The following HIVEP3 variants were observed in gnomAD, a reference collection of about 807,000 sequenced individuals.
The protein encoded by HIVEP3 is HIVEP zinc finger 3.
Under a neutral mutation model 152.8 loss-of-function variants are expected in HIVEP3, and 49 were observed. The ratio of observed to expected loss-of-function variants is 0.32; its 90% CI spans 0.26 to 0.41. The LOEUF is 0.41. Among genes scored for constraint, HIVEP3 ranks in the 10% least tolerant of loss-of-function variants. The pLI, the probability that HIVEP3 is intolerant of heterozygous loss-of-function variation, is 1.00. For missense variants in HIVEP3, 2,790 were observed against 3,103.3 expected (o/e 0.90, Z 2.40); for synonymous variants, 1,269 against 1,289.0 (o/e 0.98, Z 0.33).
At chr1:41,540,663 C>T (rs1643507526) in intron 5 of HIVEP3, among the ~76,000 whole-genome samples, 1 of 152,208 alleles carries the variant, frequency 6.6e-6, no homozygotes, top group African/African-American at 2.4e-5. Context: ...CACCTCAGGT[C>T]ATATCTGTGA....
At chr1:41,953,999 G>T (rs1645124712) in intron 1 of HIVEP3, among the ~76,000 whole-genome samples, 1 of 152,138 alleles carries the variant, frequency 6.6e-6, no homozygotes, top group African/African-American at 2.4e-5. Context: ...TGGGGAAACT[G>T]AGTTGTGTAA....
chr1:41,767,663 C>T (rs1021954641), intron 1 of HIVEP3, among the ~76,000 whole-genome samples: 12 of 152,198 alleles, frequency 7.9e-5, no homozygotes, highest in African/African-American at 2.4e-4. Context: ...TCCAAATACC[C>T]GCGAACAAGC....
chr1:41,690,716 G>A (rs1184464479), intron 2 of HIVEP3, among the ~76,000 whole-genome samples: 4 of 152,178 alleles, frequency 2.6e-5, no homozygotes, highest in African/African-American at 2.4e-5. Flanking sequence ...TCGGGAGTTC[G>A]AGACCAGCCT....
At chr1:41,848,520 T>A (rs1160406432) in intron 1 of HIVEP3, 2 of 151,592 alleles carry the variant, frequency 1.3e-5, no homozygotes, top group Admixed American at 1.3e-4. Flanking sequence ...TGGATAGACA[T>A]GAGATAAGGA....
chr1:41,562,622 TC>T (rs1644091203), intron 5 of HIVEP3, among the ~76,000 whole-genome samples: 3 of 112,966 alleles, frequency 2.7e-5, no homozygotes, highest in Admixed American at 8.4e-5. Context: ...TCTCTCTCTC[TC>T]TCTCTCTCTC....
chr1:41,698,071 A>G (rs1166662673), intron 2 of HIVEP3, among the ~76,000 whole-genome samples: 1 of 152,194 alleles, frequency 6.6e-6, no homozygotes, highest in African/African-American at 2.4e-5. Context: ...GGTGGAGTGT[A>G]CATCTGTGTA....
chr1:41,572,472 A>G (rs1260970928), intron 5 of HIVEP3, among the ~76,000 whole-genome samples: 1 of 152,104 alleles, frequency 6.6e-6, no homozygotes, highest in Non-Finnish European at 1.5e-5. Context: ...CTCTCTAGCT[A>G]TTCCATCCCC....
chr1:41,971,834 CTCTGCTGTCATGGAT>C (rs987296261), intron 1 of HIVEP3, among the ~76,000 whole-genome samples: 4 of 152,278 alleles, frequency 2.6e-5, no homozygotes, highest in African/African-American at 9.6e-5. Flanking sequence ...ACCATGACAG[CTCTGCTGTCATGGAT>C]GAATTAGTGC....
At chr1:41,565,650 C>A (rs1324659212) in intron 5 of HIVEP3, among the ~76,000 whole-genome samples, 1 of 152,048 alleles carries the variant, frequency 6.6e-6, no homozygotes, top group African/African-American at 2.4e-5. Flanking sequence ...CAGCTTCCTC[C>A]TGGGAGCCCA....
chr1:41,542,020 A>T (rs1643542304), intron 5 of HIVEP3: 1 of 152,244 alleles, frequency 6.6e-6, no homozygotes, highest in Admixed American at 6.5e-5. Context: ...CCTAGCACCG[A>T]GTGGGGCTCA....
intron 2 of HIVEP3, among the ~76,000 whole-genome samples, chr1:41,691,505 C>G (rs1483071408): frequency 6.6e-6 from 1 of 152,170 alleles, no homozygotes; most frequent in Non-Finnish European, 1.5e-5. Context: ...GGGACAGAAT[C>G]TTCATGAACG....
rs1298987647 is a variant in HIVEP3, at chr1:41,579,662, G to T, written c.5061+75C>A. On this transcript the variant is annotated intron_variant, in intron 4 of 8. Coordinates refer to ENST00000372583, the MANE Select transcript of HIVEP3 (RefSeq NM_024503.5). ...CTCTAGTTCTGCAACTGGAACCTGA[G>T]GATACTGTGGCTTTAAAAGCTCGCC... The T allele has an allele frequency of 5.3e-6, 8 of 1,495,422 alleles. No individual in the cohort carries two copies. The Admixed American group carries it at 6.8e-5, about 13-fold the overall frequency. 92.6% of individuals were successfully genotyped at this position (1,495,422 alleles called of 1,614,324 possible).
At chr1:41,650,469 GTAT>G (rs1645531491) in intron 2 of HIVEP3, among the ~76,000 whole-genome samples, 1 of 152,080 alleles carries the variant, frequency 6.6e-6, no homozygotes, top group South Asian at 2.1e-4. Context: ...TATTTGTCAA[GTAT>G]TATAATCTCA....
At chr1:41,630,953 A>G (rs1645185524) in intron 2 of HIVEP3, among the ~76,000 whole-genome samples, 1 of 152,254 alleles carries the variant, frequency 6.6e-6, no homozygotes, top group Non-Finnish European at 1.5e-5. Flanking sequence ...ACAAAATAAA[A>G]CAGGCCAAGA....
intron 2 of HIVEP3, among the ~76,000 whole-genome samples, chr1:41,640,195 C>T (rs998807495): frequency 1.4e-5 from 2 of 140,840 alleles, no homozygotes; most frequent in Non-Finnish European, 3.0e-5. Context: ...GAGGAGAATA[C>T]CGGAGTGGCG....
At chr1:41,868,958 A>G (rs1644031250) in intron 1 of HIVEP3, among the ~76,000 whole-genome samples, 1 of 152,262 alleles carries the variant, frequency 6.6e-6, no homozygotes, top group Non-Finnish European at 1.5e-5. Flanking sequence ...TAAGTGAGGA[A>G]GCAACAGTTC....
rs773655313 is a variant in HIVEP3, at chr1:41,583,502, C to G, written c.1296G>C (p.Leu432=). 2.5e-6 allele frequency: 4 copies of G among 1,613,792 alleles called. No homozygotes were observed. The highest frequency in any genetic ancestry group is 1.7e-5 in the Admixed American group (1 of 59,992). Residue 432 remains leucine (L), a synonymous_variant, in exon 4 of 9, where the codon CTG becomes CTC. Transcript: ENST00000372583. The surrounding 1 kb of genome is among the most constrained non-coding windows in gnomAD (Gnocchi z 6.9). ...CGRIGQRTAM[L]TATSTQPLLP... The stretch of plus-strand genomic sequence containing the variant: ...GGAGGGGCTGGGTGGAGGTGGCTGT[C>G]AGCATGGCGGTCCGCTGTCCTATTC...
chr1:41,572,020 G>C (rs1423507364), intron 5 of HIVEP3, among the ~76,000 whole-genome samples: 1 of 152,202 alleles, frequency 6.6e-6, no homozygotes, highest in East Asian at 1.9e-4. Flanking sequence ...GGTCTAACTG[G>C]AAAGGGGGAG....
intron 1 of HIVEP3, among the ~76,000 whole-genome samples, chr1:41,767,189 C>T (rs1229680210): frequency 6.6e-6 from 1 of 152,210 alleles, no homozygotes; most frequent in Non-Finnish European, 1.5e-5. Flanking sequence ...ATTCCATCTC[C>T]TATTTGGACT....
Sources: gnomAD v4.1 joint callset for allele counts (sites outside exome capture counted in the v4.1 genomes callset) on GRCh38, gnomAD v4.1.1 for gene constraint, Gnocchi (gnomAD v3.1) non-coding constraint, MANE v1.5 for transcripts, NCBI Gene and HGNC (gene_info 2026-07-23, HGNC 2026-07-21) for gene names.